Variants in MROH1 observed in about 807,000 individuals in gnomAD.
The protein encoded by MROH1 is maestro heat-like repeat-containing protein family member 1.
MROH1 carries 117 observed loss-of-function variants against 116.5 expected under a neutral mutation model. The ratio of observed to expected loss-of-function variants is 1.00; its 90% CI spans 0.86 to 1.17. The LOEUF is 1.17. Among genes scored for constraint, MROH1 ranks in the 50% most tolerant of loss-of-function variants. The probability of loss-of-function intolerance (pLI) is 0.00; values close to 1 mark genes in which losing one functional copy is unlikely to be tolerated. For synonymous variants in MROH1, 921 were observed against 583.9 expected, an observed-to-expected ratio of 1.58 and a Z score of -8.32; for missense variants, 1,873 against 1,338.5, an observed-to-expected ratio of 1.40 and a Z score of -6.23.
Position 144,180,549 on chromosome 8 carries a change from G to C in MROH1, c.562+26G>C. The C allele has an allele frequency of 6.3e-7, 1 of 1,599,918 alleles. No individual in the cohort carries two copies. Among genetic ancestry groups the C allele is most frequent in the Non-Finnish European group, 8.5e-7 (1 of 1,175,230 alleles). On this transcript the variant is annotated intron_variant, in intron 7 of 43. Coordinates refer to ENST00000326134, the MANE Select transcript of MROH1 (RefSeq NM_032450.3). This position sits in a 1 kb window ranked among gnomAD's most constrained non-coding sequence, Gnocchi z 7.4. Reference sequence around the variant, plus strand: ...GTAAGAGGCGGCCTCGTCACCTTCTGTCTCAAGTGCCCCTTTGTGGGGGGC... The same window carrying C: ...GTAAGAGGCGGCCTCGTCACCTTCTCTCTCAAGTGCCCCTTTGTGGGGGGC...
At chr8:144,229,644 G>T (rs1416193836) in intron 14 of MROH1, among the ~76,000 whole-genome samples, 1 of 152,134 alleles carries the variant, frequency 6.6e-6, no homozygotes, top group Non-Finnish European at 1.5e-5. Context: ...GCCCACCTGG[G>T]TGACAGAGCA....
intron 4 of MROH1, among the ~76,000 whole-genome samples, chr8:144,177,888 G>A (rs999438445): frequency 3.3e-5 from 5 of 151,972 alleles, no homozygotes; most frequent in East Asian, 1.9e-4. Flanking sequence ...CCCCAGCCAT[G>A]CTTCCTGTAC....
In MROH1 at chr8:144,260,385, T is replaced by G; in HGVS notation, c.4380+11T>G. 1.4e-6 allele frequency: 1 copy of G among 711,826 alleles called. No homozygotes were observed. Among genetic ancestry groups the G allele is most frequent in the South Asian group, 1.5e-5 (1 of 68,256 alleles). 44.1% of individuals were successfully genotyped at this position (711,826 alleles called of 1,614,324 possible). ...CCTTTCTTCGACAGTGTAGGCTGGT[T>G]GGGGCAGGGGGAGGGAAGAGGGCCC... On this transcript the variant is annotated intron_variant, in intron 39 of 43. Coordinates refer to ENST00000326134, the MANE Select transcript of MROH1 (RefSeq NM_032450.3).
chr8:144,226,645 G>GT (rs1294825053), intron 14 of MROH1, among the ~76,000 whole-genome samples: 4 of 152,032 alleles, frequency 2.6e-5, no homozygotes, highest in African/African-American at 4.8e-5. Context: ...TAGAGATGCA[G>GT]TTTCACTGTG....
At chr8:144,242,128 C>T in intron 22 of MROH1, 1 of 605,018 alleles carries the variant, frequency 1.7e-6, no homozygotes, top group Non-Finnish European at 3.0e-6. Context: ...CCTTGGCCCT[C>T]TGTTACTCGG....
At chr8:144,226,392 C>G (rs1245342880) in intron 14 of MROH1, among the ~76,000 whole-genome samples, 1 of 152,194 alleles carries the variant, frequency 6.6e-6, no homozygotes, top group Non-Finnish European at 1.5e-5. Context: ...GCTCCAGCTC[C>G]ACTCATCTGC....
chr8:144,240,008 G>T, intron 18 of MROH1, 93 bp from the exon 19 acceptor site: 1 of 724,594 alleles, frequency 1.4e-6, no homozygotes, highest in Non-Finnish European at 2.6e-6. Context: ...GGGCCTGTCT[G>T]TGCTGAGCAT....
chr8:144,188,713 G>A (rs951677074), intron 7 of MROH1, among the ~76,000 whole-genome samples: 4 of 151,924 alleles, frequency 2.6e-5, no homozygotes, highest in Admixed American at 1.3e-4. Flanking sequence ...TGATTCACCC[G>A]CCTCAGCCTC....
At chr8:144,199,008 G>A (rs1285597805) in intron 10 of MROH1, 114 bp from the exon 11 acceptor site, 2 of 922,830 alleles carry the variant, frequency 2.2e-6, no homozygotes, top group African/African-American at 3.3e-5. Context: ...CTGTAGGCAT[G>A]GGGTGGAAAC....
Position 144,243,609 on chromosome 8 carries a change from A to G in MROH1, c.2468A>G (p.Gln823Arg). 1 of 779,658 alleles carries G rather than the reference A, an allele frequency of 1.3e-6. No homozygotes were observed. The highest frequency in any genetic ancestry group is 2.4e-6 in the Non-Finnish European group (1 of 417,814). The allele number at this position is 779,658 out of a possible 1,614,324, so 48.3% of individuals were successfully genotyped here. The change falls in exon 25 of 44, where the codon CAG becomes CGG. Residue 823 changes from glutamine to arginine, a missense_variant. Coordinates refer to ENST00000326134, the MANE Select transcript of MROH1 (RefSeq NM_032450.3). ...ACCCGGAAAGCAGAGCTGGTGGCAC[A>G]GATGATGGTGAGCGTGGCCGTGGCC... is the stretch of plus-strand genomic sequence containing the variant. Reference protein sequence around the residue: ...HFTRKAELVAQMMEFIRAEPP... With the variant: ...HFTRKAELVARMMEFIRAEPP...
chr8:144,261,762 C>G lies in MROH1; in HGVS notation c.*22C>G, dbSNP rs1179369740. On this transcript the variant is annotated 3_prime_UTR_variant, in exon 44 of 44. Transcript: ENST00000326134. ...CTAAGGCTCCGGCCAGCACCCCCAG[C>G]GAGGAGTATGCACCCAGACCTGTGC... is the stretch of plus-strand genomic sequence containing the variant. The G allele has an allele frequency of 1.4e-6, 1 of 704,020 alleles. No individual in the cohort carries two copies. Among genetic ancestry groups the G allele is most frequent in the Non-Finnish European group, 2.6e-6 (1 of 386,182 alleles). 43.6% of individuals were successfully genotyped at this position (704,020 alleles called of 1,614,324 possible).
Position 144,192,373 on chromosome 8 carries a change from A to G in MROH1, c.920A>G (p.Asp307Gly). The G allele has an allele frequency of 6.3e-7, 1 of 1,596,888 alleles. No homozygotes were observed. ...AGCCGCACACTGGAGACCCAGCTGG[A>G]TGCCCTCTTGGCTGCACTGCACTCC... ...VGSRTLETQL[D>G]ALLAALHSQI... The change falls in exon 10 of 44, where the codon GAT (aspartate) becomes GGT (glycine). Residue 307 changes from aspartate to glycine, a missense_variant. Physicochemically the swap from Asp to Gly is moderately conservative, Grantham distance 94. Transcript: ENST00000326134.
chr8:144,257,312 A>G (rs1389254283), intron 35 of MROH1, among the ~76,000 whole-genome samples: 1 of 152,104 alleles, frequency 6.6e-6, no homozygotes, highest in Admixed American at 6.5e-5. Flanking sequence ...GACACTCATC[A>G]AGGGCTGTGT....
intron 3 of MROH1, among the ~76,000 whole-genome samples, chr8:144,164,341 G>T (rs1367388334): frequency 6.6e-6 from 1 of 150,684 alleles, no homozygotes; most frequent in East Asian, 2.0e-4. Flanking sequence ...GGAGGCGGAG[G>T]TTGCAGTGAG....
In MROH1 at chr8:144,181,327, G is replaced by GGGGCCGGTGATGGGGGAC. The variant is rs1318164687; in HGVS notation, c.562+809_562+810insGGTGATGGGGGACGGGCC. The stretch of plus-strand genomic sequence containing the variant: ...TGGGGGAGGGGCCGGTGATGGGGGA[G>GGGGCCGGTGATGGGGGAC]GGGCCTGGTGGGGCCCGGGCAGGGC... On this transcript the variant is annotated intron_variant, in intron 7 of 43. Transcript: ENST00000326134. Among the ~76,000 whole-genome samples the GGGGCCGGTGATGGGGGAC allele has an allele frequency of 2.8e-4, 42 of 152,128 alleles. 2 individuals carry two copies. The South Asian group carries it at 8.6e-3, about 31-fold the overall frequency.
chr8:144,256,049 G>A (rs1843700211), intron 35 of MROH1, among the ~76,000 whole-genome samples: 1 of 152,194 alleles, frequency 6.6e-6, no homozygotes, highest in Non-Finnish European at 1.5e-5. Flanking sequence ...AGTCTTTGGG[G>A]TATAGGCTGG....
intron 5 of MROH1, 93 bp downstream of exon 5, chr8:144,179,679 T>C: frequency 6.7e-7 from 1 of 1,488,794 alleles, no homozygotes; most frequent in Non-Finnish European, 9.1e-7. Flanking sequence ...CTTGAGAGTA[T>C]AGGGTGGTGT....
chr8:144,164,093 C>CGTTT (rs1281271147), intron 3 of MROH1, among the ~76,000 whole-genome samples: 1 of 135,250 alleles, frequency 7.4e-6, no homozygotes, highest in Non-Finnish European at 1.6e-5. Flanking sequence ...GTTTGTTTTA[C>CGTTT]TTTTTTTTTT....
At chr8:144,237,687 C>T (rs1463951806) in intron 14 of MROH1, among the ~76,000 whole-genome samples, 1 of 152,128 alleles carries the variant, frequency 6.6e-6, no homozygotes, top group East Asian at 1.9e-4. Context: ...TTACATTATT[C>T]GTTTCCTGAA....
Sources: allele counts gnomAD v4.1 joint callset (sites outside exome capture counted in the v4.1 genomes callset), GRCh38; gene constraint gnomAD v4.1.1; non-coding constraint Gnocchi (gnomAD v3.1); transcripts MANE v1.5; gene names NCBI Gene and HGNC (gene_info 2026-07-23, HGNC 2026-07-21).